Variants in SLC35F4 observed in about 807,000 individuals in gnomAD.
SLC35F4 encodes the protein chromosome 14 open reading frame 36.
In SLC35F4, 24 loss-of-function variants were observed where a neutral mutation model predicts 44.2. The ratio of observed to expected loss-of-function variants is 0.54; its 90% confidence interval spans 0.39 to 0.76. SLC35F4 has a LOEUF of 0.76. Ranked by LOEUF, SLC35F4 falls within the 30% of genes least tolerant of loss-of-function variation. SLC35F4 has a pLI of 0.00. For synonymous variants in SLC35F4, 238 were observed against 223.6 expected (o/e 1.06, Z -0.57); for missense variants, 562 against 586.1 (o/e 0.96, Z 0.42).
intron 1 of SLC35F4, among the ~76,000 whole-genome samples, chr14:57,858,577 G>GC (rs1186467623): frequency 6.6e-6 from 1 of 151,758 alleles, no homozygotes; most frequent in African/African-American, 2.4e-5. Context: ...TATACCTAAT[G>GC]TAAATGACGA....
At chr14:57,725,325 A>G (rs2076176111) in intron 1 of SLC35F4, among the ~76,000 whole-genome samples, 1 of 152,126 alleles carries the variant, frequency 6.6e-6, no homozygotes, top group Admixed American at 6.5e-5. Context: ...AGCAGTAGAG[A>G]CCAACACTGA....
chr14:57,632,401 G>T (rs2072824687), intron 1 of SLC35F4, among the ~76,000 whole-genome samples: 1 of 152,050 alleles, frequency 6.6e-6, no homozygotes, highest in African/African-American at 2.4e-5. Context: ...TAGATGAGGA[G>T]TCACAGGGAG....
intron 1 of SLC35F4, among the ~76,000 whole-genome samples, chr14:57,626,605 C>T (rs1435796236): frequency 6.6e-6 from 1 of 152,016 alleles, no homozygotes; most frequent in Non-Finnish European, 1.5e-5. Context: ...AACAAGGAAT[C>T]CATGTCCCCC....
chr14:57,607,379 C>T (rs1006868176), intron 1 of SLC35F4, among the ~76,000 whole-genome samples: 1 of 152,162 alleles, frequency 6.6e-6, no homozygotes. Context: ...AAGCCACAAT[C>T]TAAATGAAAC....
chr14:57,761,681 T>A (rs529189662), intron 1 of SLC35F4, among the ~76,000 whole-genome samples: 1 of 152,152 alleles, frequency 6.6e-6, no homozygotes, highest in Non-Finnish European at 1.5e-5. Context: ...TAGAAAACAC[T>A]ATCAGCGCAT....
rs10142540 is a variant in SLC35F4, at chr14:57,883,978, G to A, written n.282+97935C>T. Among the ~76,000 whole-genome samples the A allele has an allele frequency of 4.3e-3, 649 of 152,270 alleles. 5 individuals carry two copies. The highest frequency in any genetic ancestry group is 0.015 in the African/African-American group (617 of 41,560). ...TAAAATGACAAATGCAAAGAGAAAG[G>A]AAACGTTTCCAGCTAACAGGTCAGG... On this transcript the variant is annotated intron_variant and non_coding_transcript_variant, in intron 1 of 1. Transcript: ENST00000556568.
intron 1 of SLC35F4, among the ~76,000 whole-genome samples, chr14:57,854,026 C>T (rs1050621893): frequency 6.6e-6 from 1 of 152,054 alleles, no homozygotes; most frequent in Non-Finnish European, 1.5e-5. Flanking sequence ...TTCTTTAAGC[C>T]AAAATCCTTG....
At chr14:57,572,567 G>A (rs2068570384) in intron 4 of SLC35F4, among the ~76,000 whole-genome samples, 1 of 152,304 alleles carries the variant, frequency 6.6e-6, no homozygotes, top group Admixed American at 6.5e-5. Flanking sequence ...TCATAGAGAT[G>A]TATAAAGGAG....
intron 1 of SLC35F4, among the ~76,000 whole-genome samples, chr14:57,851,839 G>A (rs1438757241): frequency 6.6e-6 from 1 of 152,196 alleles, no homozygotes; most frequent in Non-Finnish European, 1.5e-5. Context: ...AATGAAAAGT[G>A]TTAACTGAGT....
chr14:57,763,125 C>G (rs967915694), intron 1 of SLC35F4, among the ~76,000 whole-genome samples: 1 of 152,120 alleles, frequency 6.6e-6, no homozygotes, highest in Non-Finnish European at 1.5e-5. Flanking sequence ...CTAGCTTTCC[C>G]ATCTTGCTAG....
rs562152330 is a variant in SLC35F4 at position 57,902,390 on chromosome 14, C to G, written n.282+79523G>C. Among the ~76,000 whole-genome samples the G allele has an allele frequency of 4.8e-4, 73 of 151,924 alleles. 1 individual carries two copies. Among genetic ancestry groups the G allele is most frequent in the Admixed American group, 3.0e-3 (46 of 15,262 alleles). ...ACCAGCCTGACCAACATGGAGAAAC[C>G]CTGTCCCTACTAAAACTTCAAAATT... On this transcript the variant is annotated intron_variant and non_coding_transcript_variant, in intron 1 of 1. Transcript: ENST00000556568.
upstream of SLC35F4, among the ~76,000 whole-genome samples, chr14:57,870,139 T>C (rs946594241): frequency 6.8e-6 from 1 of 147,806 alleles, no homozygotes; most frequent in Admixed American, 6.6e-5. Context: ...TGTGTGTGTG[T>C]GTGTGTGTGT....
At chr14:57,632,714 T>C (rs2072843150) in intron 1 of SLC35F4, among the ~76,000 whole-genome samples, 1 of 152,052 alleles carries the variant, frequency 6.6e-6, no homozygotes, top group Non-Finnish European at 1.5e-5. Context: ...TATGGGTTTT[T>C]TGTTTTTGTT....
upstream of SLC35F4, among the ~76,000 whole-genome samples, chr14:57,870,600 TTCC>T (rs1888277880): frequency 6.6e-6 from 1 of 152,220 alleles, no homozygotes; most frequent in South Asian, 2.1e-4. Context: ...GAGCTTCAGT[TTCC>T]TCCTCTGTAA....
intron 1 of SLC35F4, among the ~76,000 whole-genome samples, chr14:57,847,914 T>C (rs1025925389): frequency 6.6e-6 from 1 of 152,210 alleles, no homozygotes; most frequent in African/African-American, 2.4e-5. Flanking sequence ...AGATGACAGA[T>C]TGAATACAAA....
chr14:57,885,111 A>G (rs1424073912), intron 1 of SLC35F4, among the ~76,000 whole-genome samples: 2 of 152,148 alleles, frequency 1.3e-5, no homozygotes, highest in Non-Finnish European at 2.9e-5. Flanking sequence ...AGACCCAAAG[A>G]GGCTCCTGCC....
chr14:57,906,425 T>C (rs1219321713), intron 1 of SLC35F4, among the ~76,000 whole-genome samples: 1 of 152,222 alleles, frequency 6.6e-6, no homozygotes, highest in African/African-American at 2.4e-5. Context: ...TTTTAAGTTT[T>C]TTGGTATTCT....
chr14:57,573,888 TAAAC>T (rs2068645613), intron 4 of SLC35F4, among the ~76,000 whole-genome samples: 1 of 152,308 alleles, frequency 6.6e-6, no homozygotes, highest in South Asian at 2.1e-4. Flanking sequence ...CTAGGTCAAA[TAAAC>T]AAGCGGTTAC....
intron 1 of SLC35F4, among the ~76,000 whole-genome samples, chr14:57,839,073 T>C (rs2087891254): frequency 3.9e-5 from 6 of 152,148 alleles, no homozygotes; most frequent in Admixed American, 3.9e-4. Context: ...AATGTCAGTC[T>C]AGGGATACCT....
Sources: allele counts gnomAD v4.1 joint callset (sites outside exome capture counted in the v4.1 genomes callset), GRCh38; gene constraint gnomAD v4.1.1; transcripts MANE v1.5; gene names NCBI Gene and HGNC (gene_info 2026-07-23, HGNC 2026-07-21).